MIPOL1: variants seen among roughly 807,000 people sequenced by gnomAD.
MIPOL1 encodes mirror-image polydactyly gene 1 protein.
In MIPOL1, 57 loss-of-function variants were observed where a neutral mutation model predicts 60.9. That is an observed-to-expected ratio of 0.94 (90% CI 0.76 to 1.17). MIPOL1 has a LOEUF of 1.17. MIPOL1 is among the 50% of genes most tolerant of loss of function. The probability of loss-of-function intolerance (pLI) is 0.00; values close to 1 mark genes in which losing one functional copy is unlikely to be tolerated. For missense variants in MIPOL1, 551 were observed against 511.6 expected, an observed-to-expected ratio of 1.08 and a Z score of -0.74; for synonymous variants, 179 against 168.8, an observed-to-expected ratio of 1.06 and a Z score of -0.47.
intron 12 of MIPOL1, among the ~76,000 whole-genome samples, chr14:37,527,984 A>C (rs1203923113): frequency 6.6e-6 from 1 of 152,020 alleles, no homozygotes; most frequent in African/African-American, 2.4e-5. Flanking sequence ...AAAAGATTGC[A>C]TTTTTTAACC....
chr14:37,462,175 T>C (rs1183848954), intron 11 of MIPOL1, among the ~76,000 whole-genome samples: 1 of 152,218 alleles, frequency 6.6e-6, no homozygotes, highest in African/African-American at 2.4e-5. Context: ...ACCTCAATTC[T>C]TGACTTCTGT....
Position 37,228,330 on chromosome 14 carries a change from T to C in MIPOL1, c.-198-18773T>C, listed in dbSNP as rs374508585. 4.7e-3 allele frequency among the ~76,000 whole-genome samples: 688 copies of C among 147,132 alleles called. 3 individuals are homozygous for C. Among genetic ancestry groups the C allele is most frequent in the African/African-American group, 0.014 (552 of 38,202 alleles). On this transcript the variant is annotated intron_variant, in intron 1 of 12. Transcript: ENST00000684589. ...GTCAATGATTTCTTTCTTTTCTTTT[T>C]TTTTTTTTTTTTTTTTAGTAGTTCC... is the stretch of plus-strand genomic sequence containing the variant.
intron 11 of MIPOL1, among the ~76,000 whole-genome samples, chr14:37,458,404 A>G (rs1036563357): frequency 2.3e-4 from 35 of 152,208 alleles, no homozygotes; most frequent in African/African-American, 7.7e-4. Context: ...TACACAATAG[A>G]TAATATGTTG....
intron 12 of MIPOL1, chr14:37,501,728 C>T (rs982087937): frequency 6.6e-6 from 1 of 152,206 alleles, no homozygotes; most frequent in Non-Finnish European, 1.5e-5. Flanking sequence ...ATACCTGGTT[C>T]ATCTCGTTGG....
rs34055899 is a variant in MIPOL1, at chr14:37,292,465, C to CTTTTTTTTTTTTT, written c.623+7031_623+7043dup. ...GGTACAAGTGAATTTCCTTAATAAACTTTTTTTTTTTTTTTTTTTTTTTTT... is the reference window on the plus strand; with the variant it reads ...GGTACAAGTGAATTTCCTTAATAAACTTTTTTTTTTTTTTTTTTTTTTTTTTTTTTTTTTTTTT... On this transcript the variant is annotated intron_variant, in intron 7 of 12. Coordinates refer to ENST00000684589, the MANE Select transcript of MIPOL1 (RefSeq NM_001388067.1). Among the ~76,000 whole-genome samples the CTTTTTTTTTTTTT allele has an allele frequency of 7.9e-5, 5 of 63,442 alleles. 1 individual carries two copies. The highest frequency in any genetic ancestry group is 1.1e-4 in the Non-Finnish European group (4 of 35,314). 41.6% of individuals were successfully genotyped at this position (63,442 alleles called of 152,430 possible). A position where few individuals can be genotyped will look rare whatever the true frequency, so the allele number is the denominator to read the frequency against.
intron 3 of MIPOL1, among the ~76,000 whole-genome samples, chr14:37,262,201 G>A (rs939089574): frequency 1.3e-5 from 2 of 151,706 alleles, no homozygotes; most frequent in Non-Finnish European, 2.9e-5. Flanking sequence ...TTGTGCACAC[G>A]GAGACAAAGA....
At chr14:37,283,493 C>G (rs2084296913) in intron 6 of MIPOL1, among the ~76,000 whole-genome samples, 1 of 152,162 alleles carries the variant, frequency 6.6e-6, no homozygotes, top group Non-Finnish European at 1.5e-5. Context: ...CAGTCTCTTA[C>G]ATAATTTTTG....
chr14:37,319,169 G>C (rs953617341), intron 9 of MIPOL1, among the ~76,000 whole-genome samples: 19 of 152,038 alleles, frequency 1.2e-4, no homozygotes, highest in African/African-American at 3.9e-4. Flanking sequence ...GACATGTTAA[G>C]ATTTGTTTAA....
intron 9 of MIPOL1, among the ~76,000 whole-genome samples, chr14:37,316,635 C>A (rs531824765): frequency 6.9e-6 from 1 of 144,720 alleles, no homozygotes; most frequent in South Asian, 2.2e-4. Flanking sequence ...GATGTTCTAG[C>A]ACATGTGGTT....
intron 10 of MIPOL1, among the ~76,000 whole-genome samples, chr14:37,385,288 A>T (rs940289445): frequency 6.6e-6 from 1 of 152,104 alleles, no homozygotes; most frequent in Non-Finnish European, 1.5e-5. Flanking sequence ...TGAAAAAGTG[A>T]TCTATTTGCT....
intron 7 of MIPOL1, among the ~76,000 whole-genome samples, chr14:37,295,025 A>C (rs1210485855): frequency 6.6e-6 from 1 of 152,146 alleles, no homozygotes; most frequent in African/African-American, 2.4e-5. Flanking sequence ...AGTTGAAATG[A>C]AGGAAAAAAT....
At chr14:37,328,956 G>A (rs1465368958) in intron 9 of MIPOL1, among the ~76,000 whole-genome samples, 1 of 152,074 alleles carries the variant, frequency 6.6e-6, no homozygotes, top group African/African-American at 2.4e-5. Flanking sequence ...GAATGATCTT[G>A]GCAATGAAAA....
At chr14:37,293,297 C>T (rs1388273064) in intron 7 of MIPOL1, among the ~76,000 whole-genome samples, 1 of 152,088 alleles carries the variant, frequency 6.6e-6, no homozygotes, top group African/African-American at 2.4e-5. Flanking sequence ...TTGCACCCTG[C>T]ACCCCCTCCC....
At chr14:37,356,636 A>G (rs1448321087) in intron 9 of MIPOL1, among the ~76,000 whole-genome samples, 1 of 152,166 alleles carries the variant, frequency 6.6e-6, no homozygotes, top group Non-Finnish European at 1.5e-5. Context: ...CCTGTCAGAA[A>G]AGCGCAGTAT....
At chr14:37,313,128 C>A (rs1045535812) in intron 9 of MIPOL1, among the ~76,000 whole-genome samples, 1 of 104,430 alleles carries the variant, frequency 9.6e-6, no homozygotes, top group Admixed American at 9.8e-5. Flanking sequence ...GGTCTCAGAA[C>A]ATTTGACAAA....
intron 10 of MIPOL1, among the ~76,000 whole-genome samples, chr14:37,374,485 C>T (rs2092722359): frequency 6.6e-6 from 1 of 152,056 alleles, no homozygotes; most frequent in Non-Finnish European, 1.5e-5. Context: ...ATGGTATTGC[C>T]TAGGTTTTCT....
intron 7 of MIPOL1, among the ~76,000 whole-genome samples, chr14:37,296,494 C>A (rs1187286601): frequency 1.3e-5 from 2 of 151,942 alleles, no homozygotes; most frequent in South Asian, 2.1e-4. Flanking sequence ...AAAAACCATT[C>A]AAAAAATCAA....
At chr14:37,305,942 T>C (rs1005772219) in intron 7 of MIPOL1, among the ~76,000 whole-genome samples, 2 of 151,856 alleles carry the variant, frequency 1.3e-5, no homozygotes, top group African/African-American at 2.4e-5. Context: ...AATTCACTTA[T>C]CGGCAAAATG....
chr14:37,414,228 A>T (rs532253441), intron 10 of MIPOL1, among the ~76,000 whole-genome samples: 1 of 152,322 alleles, frequency 6.6e-6, no homozygotes, highest in East Asian at 1.9e-4. Context: ...ACATATTTTC[A>T]TAATAGGCCA....
Sources: allele counts gnomAD v4.1 joint callset (sites outside exome capture counted in the v4.1 genomes callset), GRCh38; gene constraint gnomAD v4.1.1; transcripts MANE v1.5; gene names NCBI Gene and HGNC (gene_info 2026-07-23, HGNC 2026-07-21).